Variants in ZNF585B observed in about 807,000 individuals in gnomAD.
ZNF585B encodes the protein zinc finger protein 585B, also known as zinc finger protein 41-like protein.
Under a neutral mutation model 14.0 loss-of-function variants are expected in ZNF585B, and 7 were observed. The ratio of observed to expected loss-of-function variants is 0.50; its 90% CI spans 0.28 to 0.94. ZNF585B has a LOEUF of 0.94. Among genes scored for constraint, ZNF585B ranks in the 40% least tolerant of loss-of-function variants. The probability of loss-of-function intolerance (pLI) is 0.09; values close to 1 mark genes in which losing one functional copy is unlikely to be tolerated. For missense variants in ZNF585B, 750 were observed against 924.4 expected (o/e 0.81, Z 2.45); for synonymous variants, 290 against 317.3 (o/e 0.91, Z 0.91).
chr19:37,204,737 A>G (rs1048868214), intron 2 of ZNF585B, among the ~76,000 whole-genome samples: 1 of 149,892 alleles, frequency 6.7e-6, no homozygotes. Context: ...ACCATGCCAG[A>G]CTAATTGTTT....
chr19:37,186,403 T>A lies in ZNF585B; in HGVS notation c.1134A>T (p.Gly378=), dbSNP rs1490079406. The A allele has an allele frequency of 8.7e-6, 14 of 1,614,048 alleles. No homozygotes were observed. Among genetic ancestry groups the A allele is most frequent in the African/African-American group, 1.3e-5 (1 of 74,918 alleles). Residue 378 remains glycine (G), a synonymous_variant, in exon 5 of 5, where the codon GGA becomes GGT. Coordinates refer to ENST00000532828, the MANE Select transcript of ZNF585B (RefSeq NM_152279.4). ...AGTCACTGCATTCATAAGGTTTCTC[T>A]CCAGTGTGAATTCTCTGATGAATAA... ...ELIIHQRIHT[G]EKPYECSDCG... is the part of the protein sequence containing the mutation.
intron 2 of ZNF585B, among the ~76,000 whole-genome samples, chr19:37,193,686 C>T (rs918472298): frequency 8.6e-5 from 13 of 151,390 alleles, no homozygotes; most frequent in Non-Finnish European, 8.8e-5. Context: ...AGGCTGAGGT[C>T]GGAGGATCGA....
intron 4 of ZNF585B, among the ~76,000 whole-genome samples, chr19:37,188,350 G>A (rs1234898558): frequency 6.6e-6 from 1 of 152,182 alleles, no homozygotes. Flanking sequence ...GCTGGGCGTG[G>A]TGGCTCATGC....
intron 2 of ZNF585B, among the ~76,000 whole-genome samples, chr19:37,193,470 CAAAA>C (rs1188808062): frequency 0.015 from 1,149 of 78,306 alleles, 20 homozygotes; most frequent in African/African-American, 0.045. Context: ...GCCTCTGTCT[CAAAA>C]AAAAAAAAAA....
chr19:37,184,876 C>A lies in ZNF585B; in HGVS notation c.*351G>T. ...ACCATTCAAACTGTTGGCACTATAC[C>A]TAATCCACAGTAAACAGGATTATCA... On this transcript the variant is annotated 3_prime_UTR_variant, in exon 5 of 5. Transcript: ENST00000532828. The A allele has an allele frequency of 4.5e-6, 2 of 442,034 alleles. No homozygotes were observed. The highest frequency in any genetic ancestry group is 7.9e-6 in the Non-Finnish European group (2 of 251,856). 27.4% of individuals were successfully genotyped at this position (442,034 alleles called of 1,614,324 possible).
In ZNF585B at chr19:37,182,354, T is replaced by TTC. The variant is rs1568504078; in HGVS notation, c.*2871_*2872dup. 1 of 152,218 alleles carries TTC rather than the reference T, an allele frequency of 6.6e-6. No individual in the cohort carries two copies. Among genetic ancestry groups the TTC allele is most frequent in the Non-Finnish European group, 1.5e-5 (1 of 68,048 alleles). 9.4% of individuals were successfully genotyped at this position (152,218 alleles called of 1,614,324 possible). ...GAATAATGAAGGGGACCAGACCTTG[T>TTC]TCTAGGGTATGTTAGGAAGGAAGAG... On this transcript the variant is annotated 3_prime_UTR_variant, in exon 5 of 5. Coordinates refer to ENST00000532828, the MANE Select transcript of ZNF585B (RefSeq NM_152279.4).
rs775172450 is a variant in ZNF585B, at chr19:37,192,889, A to C, written c.73-2739T>G. ...AGTGGCTCACGCCTATTATCTCAAC[A>C]ACTGGGGAGGCCGAGGTGGGTGGAT... On this transcript the variant is annotated intron_variant, in intron 2 of 4. Coordinates refer to ENST00000532828, the MANE Select transcript of ZNF585B (RefSeq NM_152279.4). Among the ~76,000 whole-genome samples the C allele has an allele frequency of 3.9e-4, 59 of 151,260 alleles. 1 individual carries two copies. The highest frequency in any genetic ancestry group is 3.4e-3 in the Middle Eastern group (1 of 290).
At chr19:37,205,072 AT>A (rs919160755) in intron 2 of ZNF585B, among the ~76,000 whole-genome samples, 8 of 150,742 alleles carry the variant, frequency 5.3e-5, no homozygotes, top group Non-Finnish European at 8.9e-5. Context: ...ATTTAATTAA[AT>A]TTTTTTTTTG....
intron 2 of ZNF585B, among the ~76,000 whole-genome samples, chr19:37,200,442 C>T (rs1045361289): frequency 6.7e-6 from 1 of 148,564 alleles, no homozygotes; most frequent in Admixed American, 6.8e-5. Context: ...CCCAGCTCCT[C>T]AAGAGGCTGA....
intron 2 of ZNF585B, among the ~76,000 whole-genome samples, chr19:37,201,444 A>T (rs537559994): frequency 6.6e-6 from 1 of 152,308 alleles, no homozygotes; most frequent in South Asian, 2.1e-4. Context: ...AAAAATCATT[A>T]ATACTATGAA....
intron 2 of ZNF585B, among the ~76,000 whole-genome samples, chr19:37,195,341 G>GTCCC (rs1176690668): frequency 2.4e-5 from 1 of 41,038 alleles, no homozygotes; most frequent in East Asian, 5.4e-4. Flanking sequence ...GCGAGACTCT[G>GTCCC]ACTCAAAAAA....
At position 37,184,855 on chromosome 19, in the gene ZNF585B, T is replaced by C. The variant is rs1972314330; in HGVS notation, c.*372A>G. 4.7e-6 allele frequency: 2 copies of C among 426,452 alleles called. No individual in the cohort carries two copies. Among genetic ancestry groups the C allele is most frequent in the Non-Finnish European group, 8.3e-6 (2 of 241,774 alleles). The allele number at this position is 426,452 out of a possible 1,614,324, so 26.4% of individuals were successfully genotyped here. A position where few individuals can be genotyped will look rare whatever the true frequency, so the allele number is the denominator to read the frequency against. On this transcript the variant is annotated 3_prime_UTR_variant, in exon 5 of 5. Transcript: ENST00000532828. ...TCATATATATTATGTTGTCTTACCATTCAAACTGTTGGCACTATACCTAAT... is the reference window on the plus strand; with the variant it reads ...TCATATATATTATGTTGTCTTACCACTCAAACTGTTGGCACTATACCTAAT...
chr19:37,205,360 C>G (rs1972574871), intron 2 of ZNF585B, among the ~76,000 whole-genome samples: 2 of 152,296 alleles, frequency 1.3e-5, no homozygotes, highest in Middle Eastern at 3.4e-3. Flanking sequence ...GACTAGAACC[C>G]TGAAATGAAA....
At chr19:37,198,152 G>A (rs1395018867) in intron 2 of ZNF585B, among the ~76,000 whole-genome samples, 2 of 152,002 alleles carry the variant, frequency 1.3e-5, no homozygotes, top group Non-Finnish European at 2.9e-5. Context: ...TAGCTGAATA[G>A]AGAGCTTATT....
chr19:37,201,729 T>TTGACC (rs1253608802), intron 2 of ZNF585B, among the ~76,000 whole-genome samples: 10 of 152,312 alleles, frequency 6.6e-5, no homozygotes, highest in African/African-American at 2.4e-4. Flanking sequence ...ATGTGGTAAG[T>TTGACC]GGTCAATGAA....
At chr19:37,209,650 A>G (rs1972624814) in intron 1 of ZNF585B, among the ~76,000 whole-genome samples, 1 of 152,132 alleles carries the variant, frequency 6.6e-6, no homozygotes, top group African/African-American at 2.4e-5. Context: ...AAAATGAGGA[A>G]GAACTAGGCC....
At chr19:37,193,729 G>A (rs1242271024) in intron 2 of ZNF585B, among the ~76,000 whole-genome samples, 6 of 152,088 alleles carry the variant, frequency 3.9e-5, no homozygotes, top group Admixed American at 1.3e-4. Context: ...CCAGTGAGCC[G>A]TTAATGCACC....
Position 37,184,913 on chromosome 19 carries a change from T to G in ZNF585B, c.*314A>C. ...AAACAGGATTATCATTCCCATAATA[T>G]GATCTTTCTTATGAAGAATTTGGTA... On this transcript the variant is annotated 3_prime_UTR_variant, in exon 5 of 5. Transcript: ENST00000532828. The G allele has an allele frequency of 2.2e-6, 1 of 457,062 alleles. No homozygotes were observed. Among genetic ancestry groups the G allele is most frequent in the East Asian group, 3.2e-5 (1 of 31,740 alleles). 28.3% of individuals were successfully genotyped at this position (457,062 alleles called of 1,614,324 possible).
intron 3 of ZNF585B, 100 bp from the exon 4 acceptor site, chr19:37,189,853 A>G: frequency 6.3e-7 from 1 of 1,584,284 alleles, no homozygotes; most frequent in Non-Finnish European, 8.6e-7. Context: ...TCTTTAGGAA[A>G]GTAACCAGAT....
Sources: gnomAD v4.1 joint callset for allele counts (sites outside exome capture counted in the v4.1 genomes callset) on GRCh38, gnomAD v4.1.1 for gene constraint, MANE v1.5 for transcripts, NCBI Gene and HGNC (gene_info 2026-07-23, HGNC 2026-07-21) for gene names.